TICRR: variants seen among roughly 807,000 people sequenced by gnomAD.
TICRR encodes TOPBP1 interacting checkpoint and replication regulator.
A neutral mutation model predicts 178.1 loss-of-function variants in TICRR; 132 were observed. That is an observed-to-expected ratio of 0.74 (90% CI 0.64 to 0.86). TICRR has a LOEUF of 0.86. Ranked by LOEUF, TICRR falls within the 40% of genes least tolerant of loss-of-function variation. The pLI is 0.00. For synonymous variants in TICRR, 991 were observed against 900.7 expected (o/e 1.10, Z -1.79); for missense variants, 2,587 against 2,334.3 (o/e 1.11, Z -2.23).
At chr15:89,604,100 AAGGG>A (rs1028871448) in intron 13 of TICRR, among the ~76,000 whole-genome samples, 2 of 152,224 alleles carry the variant, frequency 1.3e-5, no homozygotes, top group East Asian at 3.8e-4. Flanking sequence ...CTGAGGAAAA[AAGGG>A]AGACTAAAAA....
At chr15:89,602,665 A>AC (rs1963116763) in intron 12 of TICRR, 131 bp from the exon 13 acceptor site, 1 of 455,990 alleles carries the variant, frequency 2.2e-6, no homozygotes, top group Non-Finnish European at 3.6e-6. Flanking sequence ...TTTATTATAA[A>AC]CCCAGAACAA....
chr15:89,604,071 A>G (rs1178205224), intron 13 of TICRR, among the ~76,000 whole-genome samples: 1 of 152,202 alleles, frequency 6.6e-6, no homozygotes, highest in Non-Finnish European at 1.5e-5. Context: ...TCTGTTTACT[A>G]AGTAGAATTA....
At position 89,595,397 on chromosome 15, in the gene TICRR, G is replaced by C; in HGVS notation, c.1686G>C (p.Gly562=). 6.2e-7 allele frequency: 1 copy of C among 1,613,242 alleles called. No individual in the cohort carries two copies. Reference sequence around the variant, plus strand: ...CCTCTGATGTTGTTTTGGTAGGAGGGGTCCCTCGTACTCCAGTGAGACAGA... The same window carrying C: ...CCTCTGATGTTGTTTTGGTAGGAGGCGTCCCTCGTACTCCAGTGAGACAGA... ...AHQEDSKKKR[G]VPRTPVRQKM... Residue 562 remains glycine (G), a synonymous_variant, in exon 7 of 22, where the codon GGG becomes GGC. Transcript: ENST00000268138.
intron 15 of TICRR, among the ~76,000 whole-genome samples, chr15:89,610,208 A>G (rs1963236340): frequency 6.6e-6 from 1 of 152,132 alleles, no homozygotes; most frequent in Non-Finnish European, 1.5e-5. Flanking sequence ...CATTCTATAG[A>G]TGTGTGTTGG....
Position 89,625,630 on chromosome 15 carries a change from A to C in TICRR, c.5320A>C (p.Lys1774Gln). 1 of 1,613,478 alleles carries C rather than the reference A, an allele frequency of 6.2e-7. No homozygotes were observed. Among genetic ancestry groups the C allele is most frequent in the South Asian group, 1.1e-5 (1 of 91,080 alleles). ...GGGACAGTTTGGGTTGAGTTCCAGG[A>C]AGAGAGTCCTGTTGGCCAAGGAAGA... ...SWGQFGLSSR[K>Q]RVLLAKEEAD... is the part of the protein sequence containing the mutation. Residue 1774 changes from lysine to glutamine, a missense_variant, in exon 20 of 22, where the codon AAG becomes CAG. Physicochemically the swap from Lys to Gln is moderately conservative, Grantham distance 53. Coordinates refer to ENST00000268138, the MANE Select transcript of TICRR (RefSeq NM_152259.4).
At chr15:89,613,471 T>C (rs1397261964) in intron 15 of TICRR, among the ~76,000 whole-genome samples, 1 of 152,224 alleles carries the variant, frequency 6.6e-6, no homozygotes. Flanking sequence ...ATATGGGTCA[T>C]TTTTAGCCAA....
chr15:89,627,519 G>A lies in TICRR; in HGVS notation c.*433G>A, dbSNP rs764429332. On this transcript the variant is annotated 3_prime_UTR_variant, in exon 22 of 22. Coordinates refer to ENST00000268138, the MANE Select transcript of TICRR (RefSeq NM_152259.4). ...CTTTGTAAACTGTGAAGCCATATAC[G>A]TGAAACTGAAGAGTGCATTGGGCAG... 7 of 174,188 alleles carry A rather than the reference G, an allele frequency of 4.0e-5. No homozygotes were observed. Among genetic ancestry groups the A allele is most frequent in the South Asian group, 1.6e-4 (1 of 6,224 alleles). The allele number at this position is 174,188 out of a possible 1,614,324, so 10.8% of individuals were successfully genotyped here.
In TICRR at chr15:89,600,624, A is replaced by C. The variant is rs751343528; in HGVS notation, c.2092A>C (p.Thr698Pro). 6.3e-7 allele frequency: 1 copy of C among 1,599,684 alleles called. No individual in the cohort carries two copies. The highest frequency in any genetic ancestry group is 1.1e-5 in the South Asian group (1 of 87,474). ...LNQVKSSLLK[T>P]SKSLRQNLGK... Reference sequence around the variant, plus strand: ...TCAAGTAAAAAGTAGTCTCTTAAAAACTAGTAAAAGTCTTCGACAGAATCT... The same window carrying C: ...TCAAGTAAAAAGTAGTCTCTTAAAACCTAGTAAAAGTCTTCGACAGAATCT... The change falls in exon 9 of 22, where the codon ACT becomes CCT. Residue 698 changes from threonine (T) to proline (P), a missense_variant. By Grantham distance (38) the Thr-to-Pro change is conservative. Transcript: ENST00000268138.
intron 15 of TICRR, among the ~76,000 whole-genome samples, chr15:89,613,734 C>CTTTTTTTTTTTTTTTTTTTTTTTTTCT (rs34162195): frequency 1.6e-5 from 1 of 61,570 alleles, no homozygotes; most frequent in African/African-American, 7.5e-5. Context: ...TTTCTATTCG[C>CTTTTTTTTTTTTTTTTTTTTTTTTTCT]TTTTTTTTTT....
Position 89,624,374 on chromosome 15 carries a change from G to A in TICRR, c.4064G>A (p.Cys1355Tyr). 6.2e-7 allele frequency: 1 copy of A among 1,614,080 alleles called. No homozygotes were observed. ...MSPSVAASLS[C>Y]PVPSTPPELS... ...CCCAGCGTAGCTGCATCTCTCTCCT[G>A]CCCTGTTCCCTCAACTCCCCCTGAA... The change falls in exon 20 of 22, where the codon TGC (cysteine) becomes TAC (tyrosine). Residue 1355 changes from cysteine to tyrosine, a missense_variant. Physicochemically the swap from Cys to Tyr is radical, Grantham distance 194 (BLOSUM62 -2). Coordinates refer to ENST00000268138, the MANE Select transcript of TICRR (RefSeq NM_152259.4).
chr15:89,599,412 T>C lies in TICRR; in HGVS notation c.1989T>C (p.Cys663=). The C allele has an allele frequency of 6.2e-7, 1 of 1,613,882 alleles. No individual in the cohort carries two copies. The highest frequency in any genetic ancestry group is 8.5e-7 in the Non-Finnish European group (1 of 1,179,930). Residue 663 remains cysteine, a synonymous_variant, in exon 8 of 22, where the codon TGT becomes TGC. Transcript: ENST00000268138. The part of the protein sequence containing the change: ...VATGEIMLYA[C]ARNMISTVKM... The stretch of plus-strand genomic sequence containing the variant: ...CAGGAGAAATCATGTTGTATGCATG[T>C]GCTCGAAACATGATCTCAACCGTTA...
intron 5 of TICRR, 108 bp from the exon 6 acceptor site, chr15:89,594,307 C>CA (rs1962960361): frequency 1.1e-6 from 1 of 921,210 alleles, no homozygotes; most frequent in South Asian, 2.2e-5. Context: ...CTTGTGGGGA[C>CA]ATCTTTTTGG....
rs145616082 is a variant in TICRR, at chr15:89,587,673, A to T, written c.1411+1731A>T. On this transcript the variant is annotated intron_variant, in intron 4 of 21. Coordinates refer to ENST00000268138, the MANE Select transcript of TICRR (RefSeq NM_152259.4). ...AAGGCTGGGAGCTGACATTCAACTG[A>T]GCAATGTGGATGCTCGGGATACCAT... Among the ~76,000 whole-genome samples, 230 of 152,230 alleles carry T rather than the reference A, an allele frequency of 1.5e-3. 1 individual carries two copies. The highest frequency in any genetic ancestry group is 5.2e-3 in the African/African-American group (217 of 41,542).
intron 1 of TICRR, among the ~76,000 whole-genome samples, chr15:89,576,733 C>T (rs886579637): frequency 1.3e-5 from 2 of 151,226 alleles, no homozygotes; most frequent in African/African-American, 4.9e-5. Context: ...TTATGCACAT[C>T]TCTCACCCTC....
rs746836323 is a variant in TICRR, at chr15:89,623,858, G to A, written c.3548G>A (p.Gly1183Glu). The A allele has an allele frequency of 1.1e-5, 18 of 1,613,860 alleles. No individual in the cohort carries two copies. The highest frequency in any genetic ancestry group is 1.5e-5 in the Non-Finnish European group (18 of 1,180,006). Reference protein sequence around the residue: ...ITPQKRHTQAGEGTSLETKTP... With the variant: ...ITPQKRHTQAEEGTSLETKTP... Reference sequence around the variant, plus strand: ...CCTCAAAAACGACATACCCAGGCAGGAGAAGGTACCTCTCTTGAAACGAAG... The same window carrying A: ...CCTCAAAAACGACATACCCAGGCAGAAGAAGGTACCTCTCTTGAAACGAAG... Residue 1183 changes from glycine (G) to glutamate (E), a missense_variant, in exon 20 of 22, where the codon GGA becomes GAA. By Grantham distance (98) the Gly-to-Glu change is moderately conservative. Transcript: ENST00000268138.
intron 1 of TICRR, among the ~76,000 whole-genome samples, chr15:89,577,508 A>G (rs1234994764): frequency 6.7e-6 from 1 of 149,818 alleles, no homozygotes; most frequent in African/African-American, 2.4e-5. Flanking sequence ...GCAAGTGACA[A>G]TTTCAAATCA....
At position 89,624,925 on chromosome 15, in the gene TICRR, C is replaced by A. The variant is rs1963490885; in HGVS notation, c.4615C>A (p.Gln1539Lys). 1.2e-6 allele frequency: 2 copies of A among 1,614,132 alleles called. No homozygotes were observed. The highest frequency in any genetic ancestry group is 2.2e-5 in the South Asian group (2 of 91,088). The change falls in exon 20 of 22, where the codon CAA becomes AAA. Residue 1539 changes from glutamine (Q) to lysine (K), a missense_variant. Coordinates refer to ENST00000268138, the MANE Select transcript of TICRR (RefSeq NM_152259.4). ...TGGGAGACAGTGCCAGGCTTCGGCA[C>A]AACTAGACAACCTGCCAGCATCAGC... Reference protein sequence around the residue: ...TDGRQCQASAQLDNLPASAWH... With the variant: ...TDGRQCQASAKLDNLPASAWH...
chr15:89,578,658 CT>C (rs796973609), intron 1 of TICRR, among the ~76,000 whole-genome samples: 43 of 123,870 alleles, frequency 3.5e-4, no homozygotes, highest in Admixed American at 4.2e-4. Context: ...CTCTCTCTCT[CT>C]TTTTTTTTTT....
intron 18 of TICRR, 22 bp downstream of exon 18, chr15:89,619,864 C>T: frequency 6.3e-7 from 1 of 1,589,666 alleles, no homozygotes; most frequent in Non-Finnish European, 8.5e-7. Flanking sequence ...GCCCCTCTGC[C>T]TTCACAAGTC....
Sources: allele counts gnomAD v4.1 joint callset (sites outside exome capture counted in the v4.1 genomes callset), GRCh38; gene constraint gnomAD v4.1.1; transcripts MANE v1.5; gene names NCBI Gene and HGNC (gene_info 2026-07-23, HGNC 2026-07-21).